The following PEX13 variants were observed in gnomAD, a reference collection of about 807,000 sequenced individuals.
PEX13 encodes peroxisomal biogenesis factor 13, also known as peroxisome biogenesis factor 13.
PEX13 carries 28 observed loss-of-function variants against 34.5 expected under a neutral mutation model. The observed-to-expected ratio is 0.81, with a 90% CI of 0.60 to 1.11. The LOEUF is 1.11. Among genes scored for constraint, PEX13 ranks in the 50% most tolerant of loss-of-function variants. PEX13 has a pLI of 0.00. For missense variants in PEX13, 550 were observed against 491.0 expected (o/e 1.12, Z -1.13); for synonymous variants, 177 against 175.1 (o/e 1.01, Z -0.09).
intron 3 of PEX13, 105 bp downstream of exon 3, chr2:61,045,956 A>G: frequency 1.0e-6 from 1 of 1,000,260 alleles, no homozygotes; most frequent in East Asian, 2.4e-5. Flanking sequence ...GTTAACTTAG[A>G]GATAGTTACT....
intron 1 of PEX13, 77 bp from the exon 2 acceptor site, chr2:61,031,342 A>C: frequency 1.2e-5 from 12 of 1,009,428 alleles, no homozygotes; most frequent in East Asian, 2.5e-5. Flanking sequence ...CCAGGTATAT[A>C]GGAGATGTTT....
In PEX13 at chr2:61,026,949, C is replaced by G. The variant is rs545955763; in HGVS notation, c.93-4470C>G. Among the ~76,000 whole-genome samples, 6 of 151,978 alleles carry G rather than the reference C, an allele frequency of 3.9e-5. No homozygotes were observed. The East Asian group carries it at 1.2e-3, about 29-fold the overall frequency. On this transcript the variant is annotated intron_variant, in intron 1 of 3. Coordinates refer to ENST00000295030, the MANE Select transcript of PEX13 (RefSeq NM_002618.4). ...TTCTCTCCTTTCCCTCTTCCATGTT[C>G]CCCTCTCTCTATCTAATAGGTGTCC...
Position 61,031,675 on chromosome 2 carries a change from A to C in PEX13, c.349A>C (p.Arg117=). The C allele has an allele frequency of 1.2e-6, 2 of 1,614,190 alleles. No individual in the cohort carries two copies. Among genetic ancestry groups the C allele is most frequent in the Non-Finnish European group, 1.7e-6 (2 of 1,180,038 alleles). ...CCGTGTAGATGATCTTCCACCCAGT[A>C]GATTTGTTCAGCAAGCTGAAGAAAG... ...RLRVDDLPPS[R]FVQQAEESSR... Residue 117 remains arginine, a synonymous_variant, in exon 2 of 4, where the codon AGA becomes CGA. Transcript: ENST00000295030.
intron 1 of PEX13, chr2:61,018,385 G>C: frequency 7.0e-7 from 1 of 1,429,700 alleles, no homozygotes; most frequent in South Asian, 1.4e-5. Context: ...CGAGATTGGA[G>C]AAGCAACTTT....
At chr2:61,024,144 C>G (rs1432507298) in intron 1 of PEX13, among the ~76,000 whole-genome samples, 2 of 152,158 alleles carry the variant, frequency 1.3e-5, no homozygotes, top group Non-Finnish European at 2.9e-5. Flanking sequence ...TTACCCCACC[C>G]CTGATCTGGT....
chr2:61,050,520 C>A lies in PEX13; in HGVS notation c.*1750C>A, dbSNP rs1258907248. The A allele has an allele frequency of 1.3e-5, 2 of 152,340 alleles. No homozygotes were observed. Among genetic ancestry groups the A allele is most frequent in the East Asian group, 3.7e-4 (2 of 5,342 alleles). The allele number at this position is 152,340 out of a possible 1,614,324, so 9.4% of individuals were successfully genotyped here. On this transcript the variant is annotated 3_prime_UTR_variant, in exon 4 of 4. Transcript: ENST00000295030. The stretch of plus-strand genomic sequence containing the variant: ...CTTCATATACTTGGCTACGAACATA[C>A]TACAGAGTAATACTATCAGGAATAC...
At chr2:61,039,201 A>G (rs866646132) in intron 2 of PEX13, among the ~76,000 whole-genome samples, 1 of 152,216 alleles carries the variant, frequency 6.6e-6, no homozygotes, top group Admixed American at 6.5e-5. Flanking sequence ...TGCTATCCCC[A>G]TCAAGCTACC....
At chr2:61,018,689 G>C (rs1222250381) in intron 1 of PEX13, 2 of 155,240 alleles carry the variant, frequency 1.3e-5, no homozygotes, top group Non-Finnish European at 2.9e-5. Flanking sequence ...TATTTCTGCT[G>C]TATTCTGAAA....
intron 1 of PEX13, among the ~76,000 whole-genome samples, chr2:61,026,760 A>G (rs1186808659): frequency 6.6e-6 from 1 of 152,154 alleles, no homozygotes; most frequent in Non-Finnish European, 1.5e-5. Context: ...GATAATTTTT[A>G]ACATATCTAA....
At chr2:61,040,399 T>C (rs1308275841) in intron 2 of PEX13, among the ~76,000 whole-genome samples, 1 of 152,088 alleles carries the variant, frequency 6.6e-6, no homozygotes, top group Non-Finnish European at 1.5e-5. Flanking sequence ...TGAAATACTA[T>C]GCAGCCATAA....
chr2:61,022,080 G>A (rs1680273567), intron 1 of PEX13, among the ~76,000 whole-genome samples: 1 of 152,176 alleles, frequency 6.6e-6, no homozygotes, highest in South Asian at 2.1e-4. Flanking sequence ...AGAAACCAGA[G>A]CAGAAAAGCT....
rs577347341 is a variant in PEX13 at position 61,051,276 on chromosome 2, G to T, written c.*2506G>T. 6.6e-6 allele frequency: 1 copy of T among 152,360 alleles called. No individual in the cohort carries two copies. Among genetic ancestry groups the T allele is most frequent in the East Asian group, 1.9e-4 (1 of 5,326 alleles). The allele number at this position is 152,360 out of a possible 1,614,324, so 9.4% of individuals were successfully genotyped here. Reference sequence around the variant, plus strand: ...TTGTCAGATAATTTATAGAAATTTTGTTCTCAAAACAAATGTTTGATAAAA... The same window carrying T: ...TTGTCAGATAATTTATAGAAATTTTTTTCTCAAAACAAATGTTTGATAAAA... On this transcript the variant is annotated 3_prime_UTR_variant, in exon 4 of 4. Coordinates refer to ENST00000295030, the MANE Select transcript of PEX13 (RefSeq NM_002618.4).
chr2:61,038,762 C>G lies in PEX13; in HGVS notation c.787+6649C>G, dbSNP rs192528699. On this transcript the variant is annotated intron_variant, in intron 2 of 3. Transcript: ENST00000295030. ...TGTTAGAAGTTCTGGCTAGGGCAGT[C>G]AGGCAAGAGAAAGAAATAAAGGGTA... Among the ~76,000 whole-genome samples, 9 of 152,230 alleles carry G rather than the reference C, an allele frequency of 5.9e-5. No individual in the cohort carries two copies. In the East Asian group the frequency reaches 1.7e-3, roughly 29 times the overall value.
chr2:61,040,239 T>G (rs939936057), intron 2 of PEX13, among the ~76,000 whole-genome samples: 9 of 152,204 alleles, frequency 5.9e-5, no homozygotes, highest in Non-Finnish European at 1.0e-4. Flanking sequence ...TTACTGGGTA[T>G]ATATCCAAAG....
rs1573563234 is a variant in PEX13 at position 61,050,744 on chromosome 2, C to G, written c.*1974C>G. On this transcript the variant is annotated 3_prime_UTR_variant, in exon 4 of 4. Transcript: ENST00000295030. Reference sequence around the variant, plus strand: ...ACGCCATTCTCCTGCCTCAGCCTCCCGAGTAGCTGGGACTACAGGCGCCTG... The same window carrying G: ...ACGCCATTCTCCTGCCTCAGCCTCCGGAGTAGCTGGGACTACAGGCGCCTG... 6.6e-6 allele frequency: 1 copy of G among 152,144 alleles called. No individual in the cohort carries two copies. The highest frequency in any genetic ancestry group is 2.1e-4 in the South Asian group (1 of 4,826). The allele number at this position is 152,144 out of a possible 1,614,324, so 9.4% of individuals were successfully genotyped here.
chr2:61,021,841 T>C (rs543506455), intron 1 of PEX13, among the ~76,000 whole-genome samples: 1 of 152,254 alleles, frequency 6.6e-6, no homozygotes, highest in South Asian at 2.1e-4. Flanking sequence ...CAGGCAGCAA[T>C]ATTTGCTGTT....
At chr2:61,019,032 T>C (rs1160464002) in intron 1 of PEX13, 3 of 152,452 alleles carry the variant, frequency 2.0e-5, no homozygotes, top group Admixed American at 6.5e-5. Flanking sequence ...GCCAGACTTA[T>C]GTCGAATTTT....
rs1680256941 is a variant in PEX13 at position 61,021,284 on chromosome 2, A to G, written c.92+3433A>G. Among the ~76,000 whole-genome samples, 3 of 152,174 alleles carry G rather than the reference A, an allele frequency of 2.0e-5. No individual in the cohort carries two copies. In the South Asian group the frequency reaches 6.2e-4, roughly 31 times the overall value. On this transcript the variant is annotated intron_variant, in intron 1 of 3. Coordinates refer to ENST00000295030, the MANE Select transcript of PEX13 (RefSeq NM_002618.4). Reference sequence around the variant, plus strand: ...TCCTAACCAAGGGATGCCGTGACAGACTATACCTGGAAAAATGGGACACTT... The same window carrying G: ...TCCTAACCAAGGGATGCCGTGACAGGCTATACCTGGAAAAATGGGACACTT...
At chr2:61,026,894 C>T (rs1422899616) in intron 1 of PEX13, among the ~76,000 whole-genome samples, 1 of 151,896 alleles carries the variant, frequency 6.6e-6, no homozygotes, top group Non-Finnish European at 1.5e-5. Flanking sequence ...TTGAGATGGT[C>T]ATTTTGAGTA....
Sources: gnomAD v4.1 joint callset for allele counts (sites outside exome capture counted in the v4.1 genomes callset) on GRCh38, gnomAD v4.1.1 for gene constraint, MANE v1.5 for transcripts, NCBI Gene and HGNC (gene_info 2026-07-23, HGNC 2026-07-21) for gene names.